AMN: variants seen among roughly 807,000 people sequenced by gnomAD.
AMN encodes the protein protein amnionless.
In AMN, 40 loss-of-function variants were observed where a neutral mutation model predicts 49.1. The ratio of observed to expected loss-of-function variants is 0.81; its 90% CI spans 0.63 to 1.06. The LOEUF (loss-of-function observed/expected upper bound fraction) is 1.06, where lower values mean the gene tolerates loss of function less well. AMN is among the 50% of genes least tolerant of loss of function. The pLI, the probability that AMN is intolerant of heterozygous loss-of-function variation, is 0.00. For missense variants in AMN, 701 were observed against 662.8 expected (o/e 1.06, Z -0.63); for synonymous variants, 380 against 313.3 (o/e 1.21, Z -2.25).
rs1422753101 is a variant in AMN, at chr14:102,930,462, C to T, written c.1226C>T (p.Pro409Leu). 1.3e-6 allele frequency: 2 copies of T among 1,529,920 alleles called. No individual in the cohort carries two copies. The highest frequency in any genetic ancestry group is 2.5e-5 in the East Asian group (1 of 40,202). The allele number at this position is 1,529,920 out of a possible 1,614,324, so 94.8% of individuals were successfully genotyped here. A position where few individuals can be genotyped will look rare whatever the true frequency, so the allele number is the denominator to read the frequency against. ...PAGAPLGFRN[P>L]VFDVTASEEL... ...GGAGCGCCCCTCGGCTTCCGCAACC[C>T]GGTGTTCGACGTGACGGCCTCCGAG... is the stretch of plus-strand genomic sequence containing the variant. Residue 409 changes from proline (P) to leucine (L), a missense_variant, in exon 11 of 12, where the codon CCG becomes CTG. Coordinates refer to ENST00000299155, the MANE Select transcript of AMN (RefSeq NM_030943.4).
In AMN at chr14:102,923,919, C is replaced by A; in HGVS notation, c.163-16C>A. The A allele has an allele frequency of 6.2e-7, 1 of 1,613,104 alleles. No individual in the cohort carries two copies. Among genetic ancestry groups the A allele is most frequent in the Non-Finnish European group, 8.5e-7 (1 of 1,180,010 alleles). ...GGGGTTGCTCCCGGCTCGGCTGAGG[C>A]AGCTTCTTCCTGCAGATGGTGTCAG... On this transcript the variant is annotated splice_polypyrimidine_tract_variant and intron_variant, in intron 2 of 11. Transcript: ENST00000299155.
rs1396081266 is a variant in AMN at position 102,930,722 on chromosome 14, T to A, written c.*42T>A. 2.6e-6 allele frequency: 4 copies of A among 1,540,044 alleles called. No homozygotes were observed. In the African/African-American group the frequency reaches 5.5e-5, roughly 21 times the overall value. ...CGACCTTGGGGCTCTCCACCCGCTC[T>A]GGCCCCAGTCGAACTGGGGGCTAGC... On this transcript the variant is annotated 3_prime_UTR_variant, in exon 12 of 12. Transcript: ENST00000299155.
At chr14:102,923,420 G>A in intron 1 of AMN, 2 of 453,396 alleles carry the variant, frequency 4.4e-6, no homozygotes, top group Non-Finnish European at 4.1e-6. Flanking sequence ...CTCTGCTCCA[G>A]CGCCAGGCAA....
chr14:102,923,637 T>C, intron 1 of AMN, 74 bp from the exon 2 acceptor site: 6 of 1,356,290 alleles, frequency 4.4e-6, no homozygotes, highest in Non-Finnish European at 5.3e-6. Flanking sequence ...TCCGCACTTC[T>C]CTGGGTGGGT....
Position 102,930,315 on chromosome 14 carries a change from C to A in AMN, c.1157C>A (p.Ala386Glu). 2 of 1,378,320 alleles carry A rather than the reference C, an allele frequency of 1.5e-6. No homozygotes were observed. The highest frequency in any genetic ancestry group is 9.3e-7 in the Non-Finnish European group (1 of 1,074,272). 85.4% of individuals were successfully genotyped at this position (1,378,320 alleles called of 1,614,324 possible). A position where few individuals can be genotyped will look rare whatever the true frequency, so the allele number is the denominator to read the frequency against. Residue 386 changes from alanine to glutamate, a missense_variant, in exon 10 of 12, where the codon GCG becomes GAG. Ala to Glu is a moderately radical substitution (Grantham distance 107, BLOSUM62 -1). Coordinates refer to ENST00000299155, the MANE Select transcript of AMN (RefSeq NM_030943.4). ...LLVAPPLLRR[A>E]GRLRWRRHEA... ...GTGGCGCCGCCGCTGCTGCGCCGCG[C>A]GGGGAGGCTCAGGTACGCGGGGCGG... is the stretch of plus-strand genomic sequence containing the variant.
chr14:102,928,679 A>G, intron 4 of AMN, 79 bp from the exon 5 acceptor site: 1 of 1,533,034 alleles, frequency 6.5e-7, no homozygotes, highest in Non-Finnish European at 8.8e-7. Flanking sequence ...GGTCGTGCTC[A>G]GACGCGTGGC....
At chr14:102,923,608 G>C in intron 1 of AMN, 103 bp from the exon 2 acceptor site, 1 of 1,085,600 alleles carries the variant, frequency 9.2e-7, no homozygotes, top group Non-Finnish European at 1.4e-6. Context: ...TATGCGTCCC[G>C]GGTGATCCGC....
chr14:102,929,635 C>T lies in AMN; in HGVS notation c.761-20C>T, dbSNP rs1455930349. ...GCCGGGCCCGGATCCACGGCGCTGA[C>T]CCCTGCCCTCCCGCCGCAGGAGCCG... On this transcript the variant is annotated intron_variant, in intron 7 of 11. Coordinates refer to ENST00000299155, the MANE Select transcript of AMN (RefSeq NM_030943.4). 1.3e-6 allele frequency: 2 copies of T among 1,548,568 alleles called. No individual in the cohort carries two copies. The highest frequency in any genetic ancestry group is 4.9e-5 in the East Asian group (2 of 40,908).
chr14:102,929,015 C>T (rs376189503), intron 5 of AMN, 40 bp downstream of exon 5: 12 of 1,594,604 alleles, frequency 7.5e-6, no homozygotes, highest in African/African-American at 1.3e-5. Context: ...CCCCTCTCCC[C>T]ACCTCGGCCC....
chr14:102,926,660 C>T (rs1157955409), intron 3 of AMN, among the ~76,000 whole-genome samples: 1 of 147,754 alleles, frequency 6.8e-6, no homozygotes, highest in Non-Finnish European at 1.5e-5. Flanking sequence ...GATCTCGGCT[C>T]AGTGCAACCT....
chr14:102,929,418 C>G lies in AMN; in HGVS notation c.652-10C>G. The G allele has an allele frequency of 6.5e-7, 1 of 1,530,150 alleles. No individual in the cohort carries two copies. The highest frequency in any genetic ancestry group is 8.7e-7 in the Non-Finnish European group (1 of 1,144,956). The allele number at this position is 1,530,150 out of a possible 1,614,324, so 94.8% of individuals were successfully genotyped here. On this transcript the variant is annotated splice_polypyrimidine_tract_variant and intron_variant, in intron 6 of 11. Transcript: ENST00000299155. ...TGGCCCTCCGCGCTGACCACCGCCCCTCGCACCAGGCGCAGCCGTGGATCT... is the reference window on the plus strand; with the variant it reads ...TGGCCCTCCGCGCTGACCACCGCCCGTCGCACCAGGCGCAGCCGTGGATCT...
Position 102,928,519 on chromosome 14 carries a change from G to A in AMN, c.295+6G>A, listed in dbSNP as rs1210016955. ...GCACCTGGACTGTGGCGCGGGTGAG[G>A]CGGTCGGGCAGGGGCGGGGCTCTGG... On this transcript the variant is annotated splice_donor_region_variant and intron_variant, in intron 4 of 11. Coordinates refer to ENST00000299155, the MANE Select transcript of AMN (RefSeq NM_030943.4). 14 of 1,604,294 alleles carry A rather than the reference G, an allele frequency of 8.7e-6. No individual in the cohort carries two copies. Among genetic ancestry groups the A allele is most frequent in the African/African-American group, 1.3e-5 (1 of 74,848 alleles).
In AMN at chr14:102,929,420, C is replaced by T; in HGVS notation, c.652-8C>T. 2 of 1,530,090 alleles carry T rather than the reference C, an allele frequency of 1.3e-6. No individual in the cohort carries two copies. The highest frequency in any genetic ancestry group is 1.7e-6 in the Non-Finnish European group (2 of 1,144,928). The allele number at this position is 1,530,090 out of a possible 1,614,324, so 94.8% of individuals were successfully genotyped here. ...GCCCTCCGCGCTGACCACCGCCCCT[C>T]GCACCAGGCGCAGCCGTGGATCTGC... On this transcript the variant is annotated splice_region_variant and splice_polypyrimidine_tract_variant and intron_variant, in intron 6 of 11. Coordinates refer to ENST00000299155, the MANE Select transcript of AMN (RefSeq NM_030943.4).
chr14:102,925,377 C>T (rs1396146760), intron 3 of AMN, among the ~76,000 whole-genome samples: 5 of 152,212 alleles, frequency 3.3e-5, no homozygotes, highest in Non-Finnish European at 7.3e-5. Context: ...TCAGGTTTTC[C>T]AAAGCTGCCT....
chr14:102,925,765 C>A (rs374862336), intron 3 of AMN, among the ~76,000 whole-genome samples: 1 of 152,266 alleles, frequency 6.6e-6, no homozygotes, highest in South Asian at 2.1e-4. Flanking sequence ...GTGGGAACAG[C>A]GCAGGGGCAG....
Position 102,923,826 on chromosome 14 carries a change from C to T in AMN, c.159C>T (p.Asp53=). The change falls in exon 2 of 12, where the codon GAC becomes GAT. Residue 53 remains aspartate, a synonymous_variant. Coordinates refer to ENST00000299155, the MANE Select transcript of AMN (RefSeq NM_030943.4). ...GCGGCGCCGTTGAGTTCCCGGCGGA[C>T]AAGGTGCCTGGGAGCGCCGGCGGGG... ...CAGGAVEFPA[D]KMVSVLVQEG... is the part of the protein sequence containing the mutation. The T allele has an allele frequency of 6.2e-7, 1 of 1,612,576 alleles. No homozygotes were observed.
Position 102,930,623 on chromosome 14 carries a change from C to T in AMN, c.1305C>T (p.Ser435=). ...LSLVPKAAAD[S]TSHSYFVNPL... ...TGGTTCCGAAGGCGGCCGCAGACAG[C>T]ACCAGCCACAGTTACTTCGTCAACC... is the stretch of plus-strand genomic sequence containing the variant. The change falls in exon 12 of 12, where the codon AGC becomes AGT. Residue 435 remains serine, a synonymous_variant. Transcript: ENST00000299155. 6.3e-7 allele frequency: 1 copy of T among 1,596,174 alleles called. No homozygotes were observed. The highest frequency in any genetic ancestry group is 8.5e-7 in the Non-Finnish European group (1 of 1,173,066).
rs386834178 is a variant in AMN, at chr14:102,929,655, G to A, written c.761G>A (p.Gly254Glu). 12 of 1,549,248 alleles carry A rather than the reference G, an allele frequency of 7.7e-6. No homozygotes were observed. Among genetic ancestry groups the A allele is most frequent in the Non-Finnish European group, 1.0e-5 (12 of 1,146,964 alleles). ...RPQGQCCDLC[G>E]AVVLLTHGPA... is the part of the protein sequence containing the mutation. The stretch of plus-strand genomic sequence containing the variant: ...GCTGACCCCTGCCCTCCCGCCGCAG[G>A]AGCCGTTGTGTTGCTGACCCACGGC... The change falls in exon 8 of 12, where the codon GGA (glycine) becomes GAA (glutamate). Residue 254 changes from glycine to glutamate, a missense_variant and splice_region_variant. Physicochemically the swap from Gly to Glu is moderately conservative, Grantham distance 98. Coordinates refer to ENST00000299155, the MANE Select transcript of AMN (RefSeq NM_030943.4).
At chr14:102,924,255 G>T (rs1443926963) in intron 3 of AMN, among the ~76,000 whole-genome samples, 1 of 152,158 alleles carries the variant, frequency 6.6e-6, no homozygotes, top group Non-Finnish European at 1.5e-5. Context: ...GTCTTCCCAG[G>T]AAGCGCCTGC....
Sources: allele counts gnomAD v4.1 joint callset (sites outside exome capture counted in the v4.1 genomes callset), GRCh38; gene constraint gnomAD v4.1.1; transcripts MANE v1.5; gene names NCBI Gene and HGNC (gene_info 2026-07-23, HGNC 2026-07-21).